The following NSUN6 variants were observed in gnomAD, a reference collection of about 807,000 sequenced individuals.
The protein encoded by NSUN6 is NOP2/Sun RNA methyltransferase 6.
NSUN6 carries 64 observed loss-of-function variants against 58.0 expected under a neutral mutation model. The ratio of observed to expected loss-of-function variants is 1.10; its 90% CI spans 0.90 to 1.36. NSUN6 has a LOEUF of 1.36. NSUN6 is among the 40% of genes most tolerant of loss of function. NSUN6 has a pLI of 0.00. For synonymous variants in NSUN6, 231 were observed against 193.9 expected, an observed-to-expected ratio of 1.19 and a Z score of -1.59; for missense variants, 701 against 550.1, an observed-to-expected ratio of 1.27 and a Z score of -2.74.
intron 8 of NSUN6, among the ~76,000 whole-genome samples, chr10:18,582,269 G>A (rs900970631): frequency 3.3e-5 from 5 of 152,278 alleles, no homozygotes; most frequent in South Asian, 2.1e-4. Context: ...CTGCCTGACC[G>A]TCACCTGATG....
intron 3 of NSUN6, among the ~76,000 whole-genome samples, chr10:18,624,801 A>T (rs143709710): frequency 6.6e-6 from 1 of 152,270 alleles, no homozygotes; most frequent in East Asian, 1.9e-4. Context: ...CTAGCTAAGC[A>T]GCTAGAAACT....
At chr10:18,556,708 G>T (rs185639438) in intron 8 of NSUN6, among the ~76,000 whole-genome samples, 75 of 150,562 alleles carry the variant, frequency 5.0e-4, no homozygotes, top group African/African-American at 1.6e-3. Context: ...GAAAGGGGAA[G>T]GGAATGGAAT....
intron 8 of NSUN6, among the ~76,000 whole-genome samples, chr10:18,584,920 G>T (rs987897334): frequency 2.1e-5 from 3 of 142,812 alleles, no homozygotes; most frequent in African/African-American, 7.7e-5. Flanking sequence ...CATCAACCAA[G>T]AATTTAATAC....
chr10:18,618,940 AT>A (rs147776562), intron 3 of NSUN6, among the ~76,000 whole-genome samples: 7,951 of 151,972 alleles, frequency 0.052, 292 homozygotes, highest in Non-Finnish European at 0.077. Context: ...TTACTCTTTC[AT>A]TTTTAATCAT....
At chr10:18,626,421 T>C (rs1189463252) in intron 3 of NSUN6, among the ~76,000 whole-genome samples, 2 of 152,070 alleles carry the variant, frequency 1.3e-5, no homozygotes, top group Non-Finnish European at 2.9e-5. Context: ...GGTAAAATTT[T>C]AGGGAAAATT....
rs760700856 is a variant in NSUN6 at position 18,575,473 on chromosome 10, G to C, written c.922+10476C>G. On this transcript the variant is annotated intron_variant, in intron 8 of 10. Coordinates refer to ENST00000377304, the MANE Select transcript of NSUN6 (RefSeq NM_182543.5). ...AGTTAAGGCCCTAATTGAAAATATA[G>C]TATCCAGGTTTGTACTAATAGAGAA... Among the ~76,000 whole-genome samples, 21 of 152,272 alleles carry C rather than the reference G, an allele frequency of 1.4e-4. No homozygotes were observed. The Middle Eastern group carries it at 0.01, about 74-fold the overall frequency.
At chr10:18,554,535 G>C (rs1184955052) in intron 8 of NSUN6, among the ~76,000 whole-genome samples, 1 of 151,072 alleles carries the variant, frequency 6.6e-6, no homozygotes, top group Non-Finnish European at 1.5e-5. Flanking sequence ...TGCAGAATGG[G>C]TATGAATGGA....
upstream of NSUN6, chr10:18,652,374 T>TTACACATAAGTATAGGTAATA: frequency 1.0e-6 from 1 of 983,856 alleles, no homozygotes; most frequent in Non-Finnish European, 1.2e-6. Flanking sequence ...CCATGGTAAT[T>TTACACATAAGTATAGGTAATA]TACACATAAG....
At chr10:18,580,030 T>C (rs1249844469) in intron 8 of NSUN6, among the ~76,000 whole-genome samples, 1 of 152,182 alleles carries the variant, frequency 6.6e-6, no homozygotes, top group Non-Finnish European at 1.5e-5. Flanking sequence ...TAGGGATCTC[T>C]GAAACTGTAT....
intron 8 of NSUN6, among the ~76,000 whole-genome samples, chr10:18,576,772 C>G (rs1001126928): frequency 6.6e-6 from 1 of 152,164 alleles, no homozygotes; most frequent in Non-Finnish European, 1.5e-5. Flanking sequence ...CGTCCCCGAG[C>G]AGATTGTGGT....
intron 5 of NSUN6, 49 bp downstream of exon 5, chr10:18,614,411 T>G (rs751542865): frequency 8.5e-7 from 1 of 1,170,614 alleles, no homozygotes. Context: ...TTAATTTTCA[T>G]TGACCCACAA....
chr10:18,625,832 T>A (rs1027400115), intron 3 of NSUN6, among the ~76,000 whole-genome samples: 2 of 148,806 alleles, frequency 1.3e-5, no homozygotes, highest in African/African-American at 4.9e-5. Flanking sequence ...ATTCCACAGA[T>A]CTCCAATCAA....
At chr10:18,574,986 T>A (rs899222273) in intron 8 of NSUN6, among the ~76,000 whole-genome samples, 2 of 151,882 alleles carry the variant, frequency 1.3e-5, no homozygotes, top group Non-Finnish European at 2.9e-5. Context: ...ACTCCCCATC[T>A]CCCTCCTCCT....
At chr10:18,635,512 C>G (rs370305336) in intron 3 of NSUN6, among the ~76,000 whole-genome samples, 2 of 152,056 alleles carry the variant, frequency 1.3e-5, no homozygotes, top group East Asian at 3.9e-4. Flanking sequence ...AGACCTATGA[C>G]TGGAAAGCTA....
At chr10:18,644,757 G>A (rs1476502780) in intron 2 of NSUN6, among the ~76,000 whole-genome samples, 6 of 150,782 alleles carry the variant, frequency 4.0e-5, no homozygotes, top group Non-Finnish European at 5.9e-5. Context: ...GGAGAATGGC[G>A]TGAACCCAGG....
At chr10:18,620,702 T>C (rs1386917043) in intron 3 of NSUN6, among the ~76,000 whole-genome samples, 1 of 152,248 alleles carries the variant, frequency 6.6e-6, no homozygotes, top group Non-Finnish European at 1.5e-5. Flanking sequence ...ACAATTTCTT[T>C]GTACTCAGTC....
intron 7 of NSUN6, among the ~76,000 whole-genome samples, chr10:18,587,344 C>T (rs567003277): frequency 6.6e-6 from 1 of 152,200 alleles, no homozygotes; most frequent in Admixed American, 6.5e-5. Context: ...TCCTGTGAAC[C>T]CTGGCAACCA....
upstream of NSUN6, chr10:18,652,390 G>T: frequency 2.0e-6 from 2 of 984,164 alleles, no homozygotes; most frequent in Non-Finnish European, 2.4e-6. Flanking sequence ...ATAAGTATAG[G>T]AAAGGGTTTT....
At chr10:18,613,737 A>G (rs1205143700) in intron 5 of NSUN6, among the ~76,000 whole-genome samples, 1 of 152,190 alleles carries the variant, frequency 6.6e-6, no homozygotes, top group Non-Finnish European at 1.5e-5. Flanking sequence ...ATGAATTTCA[A>G]TTACAAACCC....
Sources: gnomAD v4.1 joint callset for allele counts (sites outside exome capture counted in the v4.1 genomes callset) on GRCh38, gnomAD v4.1.1 for gene constraint, MANE v1.5 for transcripts, NCBI Gene and HGNC (gene_info 2026-07-23, HGNC 2026-07-21) for gene names.